The following TMEM74 variants were observed in gnomAD, a reference collection of about 807,000 sequenced individuals.
TMEM74 encodes transmembrane protein 74.
TMEM74 carries 13 observed loss-of-function variants against 18.1 expected under a neutral mutation model. That is an observed-to-expected ratio of 0.72 (90% CI 0.47 to 1.14). TMEM74 has a LOEUF of 1.14. Among genes scored for constraint, TMEM74 ranks in the 50% most tolerant of loss-of-function variants. The probability of loss-of-function intolerance (pLI) is 0.00; values close to 1 mark genes in which losing one functional copy is unlikely to be tolerated. For synonymous variants in TMEM74, 159 were observed against 146.6 expected (o/e 1.08, Z -0.61); for missense variants, 372 against 375.9 (o/e 0.99, Z 0.09).
chr8:108,666,115 G>C (rs772591951), intron 1 of TMEM74, among the ~76,000 whole-genome samples: 1 of 152,102 alleles, frequency 6.6e-6, no homozygotes, highest in African/African-American at 2.4e-5. Flanking sequence ...TTAGGCACAG[G>C]TCTCATTTAT....
chr8:108,634,250 C>T (rs1812584140), intron 2 of TMEM74, among the ~76,000 whole-genome samples: 1 of 151,830 alleles, frequency 6.6e-6, no homozygotes, highest in South Asian at 2.1e-4. Flanking sequence ...CACCTCCATC[C>T]CCAAAAAATG....
chr8:108,777,831 G>A (rs1021087566), downstream of TMEM74, among the ~76,000 whole-genome samples: 2 of 152,056 alleles, frequency 1.3e-5, no homozygotes, highest in African/African-American at 4.8e-5. Flanking sequence ...ATGAGGTGAG[G>A]TATAAATTAA....
At chr8:108,608,328 A>G (rs1403949955) in intron 3 of TMEM74, among the ~76,000 whole-genome samples, 3 of 151,468 alleles carry the variant, frequency 2.0e-5, no homozygotes, top group Non-Finnish European at 4.4e-5. Flanking sequence ...AAAAAGAAAA[A>G]AAAAGAACTA....
At chr8:108,692,154 G>A (rs1813238698) in intron 1 of TMEM74, among the ~76,000 whole-genome samples, 1 of 152,164 alleles carries the variant, frequency 6.6e-6, no homozygotes. Context: ...TTTTGTGCAT[G>A]TGTATGTAAA....
intron 1 of TMEM74, among the ~76,000 whole-genome samples, chr8:108,690,800 G>T (rs1034960382): frequency 2.0e-5 from 3 of 151,952 alleles, no homozygotes; most frequent in Non-Finnish European, 4.4e-5. Flanking sequence ...CAGCCTGGGC[G>T]ACAGAGCAAG....
intron 1 of TMEM74, among the ~76,000 whole-genome samples, chr8:108,738,192 T>A (rs1813766748): frequency 6.6e-6 from 1 of 152,342 alleles, no homozygotes; most frequent in East Asian, 1.9e-4. Flanking sequence ...GACTACTTTA[T>A]TGATGTATCC....
At chr8:108,771,199 C>A (rs777534696) in intron 1 of TMEM74, among the ~76,000 whole-genome samples, 3 of 152,062 alleles carry the variant, frequency 2.0e-5, no homozygotes, top group Non-Finnish European at 4.4e-5. Flanking sequence ...GGACTTAACA[C>A]CATATACTAG....
intron 1 of TMEM74, among the ~76,000 whole-genome samples, chr8:108,682,183 C>T (rs1405759627): frequency 6.6e-6 from 1 of 152,078 alleles, no homozygotes; most frequent in African/African-American, 2.4e-5. Context: ...TTCTTTTCCA[C>T]TGATTAATTT....
chr8:108,785,133 A>G lies in TMEM74; in HGVS notation c.-35T>C, dbSNP rs777826375. On this transcript the variant is annotated 5_prime_UTR_variant, in exon 2 of 2. Transcript: ENST00000297459. ...TCAGACATCCCCCAGCAGCTTCCGGAAAGTCTGCCAATAGCAACAGAGTTA... is the reference window on the plus strand; with the variant it reads ...TCAGACATCCCCCAGCAGCTTCCGGGAAGTCTGCCAATAGCAACAGAGTTA... The G allele has an allele frequency of 1.4e-5, 22 of 1,539,546 alleles. No homozygotes were observed. Among genetic ancestry groups the G allele is most frequent in the Non-Finnish European group, 1.9e-5 (22 of 1,147,866 alleles).
rs188890646 is a variant in TMEM74 at position 108,657,838 on chromosome 8, G to A, written n.120-2401C>T. Among the ~76,000 whole-genome samples, 68 of 33,496 alleles carry A rather than the reference G, an allele frequency of 2.0e-3. 1 individual carries two copies. Among genetic ancestry groups the A allele is most frequent in the African/African-American group, 7.8e-3 (53 of 6,818 alleles). The allele number at this position is 33,496 out of a possible 152,430, so 22.0% of individuals were successfully genotyped here. A position where few individuals can be genotyped will look rare whatever the true frequency, so the allele number is the denominator to read the frequency against. ...AGCCTGGGTGACAGAGTGAGACACCGTCTCAAAAAAAAAAAAAAAAAATAT... is the reference window on the plus strand; with the variant it reads ...AGCCTGGGTGACAGAGTGAGACACCATCTCAAAAAAAAAAAAAAAAAATAT... On this transcript the variant is annotated intron_variant and non_coding_transcript_variant, in intron 1 of 3. Transcript: ENST00000518838.
At chr8:108,703,043 A>G (rs1034588755) in intron 1 of TMEM74, among the ~76,000 whole-genome samples, 1 of 152,164 alleles carries the variant, frequency 6.6e-6, no homozygotes, top group East Asian at 1.9e-4. Context: ...GCAGCTAGTC[A>G]GCAGTGTATT....
intron 1 of TMEM74, among the ~76,000 whole-genome samples, chr8:108,713,335 T>C (rs1813491558): frequency 6.6e-6 from 1 of 151,536 alleles, no homozygotes; most frequent in Non-Finnish European, 1.5e-5. Context: ...GGAGACTGGT[T>C]AAGAAAAAAT....
intron 1 of TMEM74, among the ~76,000 whole-genome samples, chr8:108,703,043 A>C (rs1034588755): frequency 2.0e-5 from 3 of 152,164 alleles, no homozygotes; most frequent in Non-Finnish European, 4.4e-5. Context: ...GCAGCTAGTC[A>C]GCAGTGTATT....
At chr8:108,767,328 T>C (rs1282512630) in intron 1 of TMEM74, among the ~76,000 whole-genome samples, 2 of 152,326 alleles carry the variant, frequency 1.3e-5, no homozygotes, top group East Asian at 3.9e-4. Flanking sequence ...CACTATCCAA[T>C]CCTCAAAAGA....
chr8:108,648,444 G>A (rs147995618), intron 2 of TMEM74, among the ~76,000 whole-genome samples: 38 of 152,200 alleles, frequency 2.5e-4, no homozygotes, highest in African/African-American at 6.7e-4. Context: ...TCACTACCCC[G>A]CAAAGATGTC....
intron 2 of TMEM74, among the ~76,000 whole-genome samples, chr8:108,650,702 TTTTA>T (rs71564014): frequency 6.0e-5 from 9 of 151,062 alleles, no homozygotes; most frequent in African/African-American, 2.2e-4. Flanking sequence ...GAGGCATTCT[TTTTA>T]TTTATTTATT....
chr8:108,688,550 A>T (rs1394003921), intron 1 of TMEM74, among the ~76,000 whole-genome samples: 1 of 152,242 alleles, frequency 6.6e-6, no homozygotes, highest in Non-Finnish European at 1.5e-5. Context: ...ATAGAAATGA[A>T]GTGGGGAGAG....
intron 1 of TMEM74, among the ~76,000 whole-genome samples, chr8:108,718,170 G>A: frequency 1.3e-5 from 1 of 74,454 alleles, no homozygotes; most frequent in Non-Finnish European, 2.2e-5. Flanking sequence ...ATTTTAGCCG[G>A]GATGGTCTCG....
intron 2 of TMEM74, among the ~76,000 whole-genome samples, chr8:108,645,461 T>C (rs2935767): frequency 0.19 from 28,491 of 152,062 alleles, 2,733 homozygotes; most frequent in East Asian, 0.27. Context: ...TGCAATATAC[T>C]AGTTGCATGT....
Sources: gnomAD v4.1 joint callset for allele counts (sites outside exome capture counted in the v4.1 genomes callset) on GRCh38, gnomAD v4.1.1 for gene constraint, MANE v1.5 for transcripts, NCBI Gene and HGNC (gene_info 2026-07-23, HGNC 2026-07-21) for gene names.